The following CRADD variants were observed in gnomAD, a reference collection of about 807,000 sequenced individuals.
The protein encoded by CRADD is death domain-containing protein CRADD.
Under a neutral mutation model 15.5 loss-of-function variants are expected in CRADD, and 9 were observed. The observed-to-expected ratio is 0.58, with a 90% CI of 0.35 to 1.01. The LOEUF (loss-of-function observed/expected upper bound fraction) is 1.01. Ranked by LOEUF, CRADD falls within the 50% of genes least tolerant of loss-of-function variation. The probability of loss-of-function intolerance (pLI) is 0.02; values close to 1 mark genes in which losing one functional copy is unlikely to be tolerated. For synonymous variants in CRADD, 118 were observed against 107.6 expected (o/e 1.10, Z -0.60); for missense variants, 227 against 250.3 (o/e 0.91, Z 0.63).
At chr12:93,811,215 G>A (rs1393754276) in intron 2 of CRADD, among the ~76,000 whole-genome samples, 1 of 152,224 alleles carries the variant, frequency 6.6e-6, no homozygotes, top group African/African-American at 2.4e-5. Context: ...TTTGCCTACA[G>A]CTAGAGTTGC....
At chr12:93,765,091 G>A (rs1407497618) in intron 2 of CRADD, among the ~76,000 whole-genome samples, 4 of 151,830 alleles carry the variant, frequency 2.6e-5, no homozygotes, top group African/African-American at 4.8e-5. Flanking sequence ...CATCAGAAAC[G>A]TAACATGTAG....
intron 2 of CRADD, among the ~76,000 whole-genome samples, chr12:93,760,759 G>T (rs1161634502): frequency 1.4e-5 from 2 of 141,326 alleles, no homozygotes; most frequent in Non-Finnish European, 3.3e-5. Context: ...TTTATCCTGG[G>T]TGAGTGTGAG....
intron 2 of CRADD, among the ~76,000 whole-genome samples, chr12:93,859,912 T>G (rs1465840256): frequency 6.7e-6 from 1 of 149,444 alleles, no homozygotes; most frequent in Non-Finnish European, 1.5e-5. Context: ...TTTTTTTATA[T>G]AGAGATGGGG....
chr12:93,715,640 T>A (rs539576400), intron 2 of CRADD, among the ~76,000 whole-genome samples: 14 of 152,224 alleles, frequency 9.2e-5, no homozygotes, highest in South Asian at 2.1e-4. Flanking sequence ...TTTAAAAAAA[T>A]TTTTTTCATC....
chr12:93,840,155 C>T (rs552023557), intron 2 of CRADD, among the ~76,000 whole-genome samples: 1 of 152,264 alleles, frequency 6.6e-6, no homozygotes, highest in Non-Finnish European at 1.5e-5. Context: ...TTAATTGTCA[C>T]AATAGGAATT....
chr12:93,706,083 A>G (rs951276687), intron 2 of CRADD, among the ~76,000 whole-genome samples: 3 of 152,216 alleles, frequency 2.0e-5, no homozygotes, highest in South Asian at 2.1e-4. Context: ...ATAGCTGCCA[A>G]TGAGACAAGT....
chr12:93,704,101 G>A (rs1955896134), intron 2 of CRADD, among the ~76,000 whole-genome samples: 1 of 150,010 alleles, frequency 6.7e-6, no homozygotes, highest in African/African-American at 2.5e-5. Context: ...AATTACAGGT[G>A]TGAGCCACCA....
At chr12:93,880,449 A>G (rs1158793722) in intron 2 of CRADD, among the ~76,000 whole-genome samples, 1 of 152,214 alleles carries the variant, frequency 6.6e-6, no homozygotes, top group Non-Finnish European at 1.5e-5. Flanking sequence ...GGGAGAAATC[A>G]GAGTCCTAGT....
chr12:93,873,117 C>A (rs1429424266), intron 2 of CRADD, among the ~76,000 whole-genome samples: 1 of 151,892 alleles, frequency 6.6e-6, no homozygotes, highest in East Asian at 1.9e-4. Context: ...TTATAAACAT[C>A]TTTTGCTTCT....
intron 2 of CRADD, among the ~76,000 whole-genome samples, chr12:93,698,456 A>G (rs1382656260): frequency 6.6e-6 from 1 of 152,206 alleles, no homozygotes; most frequent in Non-Finnish European, 1.5e-5. Context: ...GCATGCTGCT[A>G]TTTCAACTAT....
chr12:93,825,142 A>G (rs375428024), intron 2 of CRADD, among the ~76,000 whole-genome samples: 11 of 152,320 alleles, frequency 7.2e-5, no homozygotes, highest in South Asian at 2.1e-4. Flanking sequence ...TCTAGGCTCA[A>G]TCATTTAGAT....
At chr12:93,682,722 C>A (rs1167300008) in intron 2 of CRADD, among the ~76,000 whole-genome samples, 1 of 151,960 alleles carries the variant, frequency 6.6e-6, no homozygotes, top group African/African-American at 2.4e-5. Flanking sequence ...TGAACGCCAC[C>A]CCCATCAAAT....
At chr12:93,795,048 C>G (rs1027523146) in intron 2 of CRADD, among the ~76,000 whole-genome samples, 3 of 152,142 alleles carry the variant, frequency 2.0e-5, no homozygotes, top group Non-Finnish European at 4.4e-5. Context: ...TATCTCATAG[C>G]CCATTTTATT....
chr12:93,823,837 GA>G (rs1215475132), intron 2 of CRADD, among the ~76,000 whole-genome samples: 2 of 152,188 alleles, frequency 1.3e-5, no homozygotes, highest in African/African-American at 4.8e-5. Flanking sequence ...TTGGAATGGA[GA>G]AGTCTAAAGA....
At chr12:93,739,626 G>A (rs759002889) in intron 2 of CRADD, among the ~76,000 whole-genome samples, 6 of 152,052 alleles carry the variant, frequency 3.9e-5, no homozygotes, top group African/African-American at 4.8e-5. Context: ...AATGTCACTG[G>A]ATTTCAAGAA....
intron 2 of CRADD, among the ~76,000 whole-genome samples, chr12:93,883,602 G>A (rs147063317): frequency 5.9e-5 from 9 of 152,268 alleles, no homozygotes; most frequent in African/African-American, 2.2e-4. Context: ...AGGATCACTT[G>A]AGGCCAGGGG....
At chr12:93,843,716 T>C (rs1958077404) in intron 2 of CRADD, among the ~76,000 whole-genome samples, 1 of 151,842 alleles carries the variant, frequency 6.6e-6, no homozygotes, top group Non-Finnish European at 1.5e-5. Flanking sequence ...TTTTTATTTA[T>C]GTATTTATTT....
At chr12:93,741,806 C>T (rs1398225653) in intron 2 of CRADD, among the ~76,000 whole-genome samples, 2 of 152,070 alleles carry the variant, frequency 1.3e-5, no homozygotes, top group African/African-American at 4.8e-5. Flanking sequence ...TAGCTATGGT[C>T]AAAATAAGTA....
At chr12:93,772,908 T>A (rs1957099696) in intron 2 of CRADD, among the ~76,000 whole-genome samples, 1 of 152,162 alleles carries the variant, frequency 6.6e-6, no homozygotes, top group African/African-American at 2.4e-5. Flanking sequence ...CTGGGAAGGG[T>A]ACCCAGAAGC....
Sources: allele counts gnomAD v4.1 joint callset (sites outside exome capture counted in the v4.1 genomes callset), GRCh38; gene constraint gnomAD v4.1.1; transcripts MANE v1.5; gene names NCBI Gene and HGNC (gene_info 2026-07-23, HGNC 2026-07-21).